Variants in TAOK3 observed in about 807,000 individuals in gnomAD.
The protein encoded by TAOK3 is TAO kinase 3.
In TAOK3, 40 loss-of-function variants were observed where a neutral mutation model predicts 120.4. That is an observed-to-expected ratio of 0.33 (90% CI 0.26 to 0.43). The LOEUF is 0.43. Among genes scored for constraint, TAOK3 ranks in the 20% least tolerant of loss-of-function variants. The pLI, the probability that TAOK3 is intolerant of heterozygous loss-of-function variation, is 1.00. For synonymous variants in TAOK3, 355 were observed against 387.5 expected (o/e 0.92, Z 0.99); for missense variants, 821 against 1,112.1 (o/e 0.74, Z 3.72).
intron 1 of TAOK3, among the ~76,000 whole-genome samples, chr12:118,313,224 G>A (rs992796841): frequency 2.0e-5 from 3 of 151,962 alleles, no homozygotes; most frequent in Non-Finnish European, 4.4e-5. Context: ...TCTATTACAA[G>A]GAAAGAGAAT....
At chr12:118,162,780 CCTTTT>C (rs1277361901) in intron 17 of TAOK3, among the ~76,000 whole-genome samples, 1 of 152,100 alleles carries the variant, frequency 6.6e-6, no homozygotes, top group Non-Finnish European at 1.5e-5. Context: ...TTTCTTTCTT[CCTTTT>C]CTTTCTTTCT....
intron 1 of TAOK3, among the ~76,000 whole-genome samples, chr12:118,277,788 C>G (rs2041955632): frequency 6.6e-6 from 1 of 151,972 alleles, no homozygotes; most frequent in Non-Finnish European, 1.5e-5. Flanking sequence ...AGATCATCAT[C>G]AAAATGAAAA....
At chr12:118,322,639 G>C (rs2043761118) in intron 1 of TAOK3, among the ~76,000 whole-genome samples, 1 of 148,316 alleles carries the variant, frequency 6.7e-6, no homozygotes, top group African/African-American at 2.5e-5. Flanking sequence ...ATTGAAATTT[G>C]AATTTCGTAT....
intron 5 of TAOK3, among the ~76,000 whole-genome samples, chr12:118,240,396 C>T (rs1253573907): frequency 1.3e-5 from 2 of 152,032 alleles, no homozygotes; most frequent in African/African-American, 2.4e-5. Flanking sequence ...TCAGGCTGGT[C>T]TCAAACTCCT....
intron 1 of TAOK3, among the ~76,000 whole-genome samples, chr12:118,348,474 G>C (rs1330712311): frequency 6.7e-6 from 1 of 148,976 alleles, no homozygotes; most frequent in Non-Finnish European, 1.5e-5. Flanking sequence ...TTTTTGAGAC[G>C]GAGTCTCGCT....
chr12:118,329,776 T>C (rs1240960702), intron 1 of TAOK3, among the ~76,000 whole-genome samples: 2 of 152,164 alleles, frequency 1.3e-5, no homozygotes, highest in Non-Finnish European at 2.9e-5. Flanking sequence ...GATTATTTCA[T>C]ATATAGATCC....
intron 3 of TAOK3, among the ~76,000 whole-genome samples, chr12:118,251,371 G>A (rs184305527): frequency 2.6e-4 from 40 of 152,260 alleles, no homozygotes; most frequent in Non-Finnish European, 4.6e-4. Flanking sequence ...AAAGCTTTTC[G>A]TAAGTTCTAT....
chr12:118,202,683 C>T (rs1428755375), intron 11 of TAOK3, among the ~76,000 whole-genome samples: 2 of 151,036 alleles, frequency 1.3e-5, no homozygotes, highest in Non-Finnish European at 2.9e-5. Context: ...ATAAAAAAAT[C>T]ACTAGAACTT....
At chr12:118,250,900 A>C (rs1367184655) in intron 3 of TAOK3, among the ~76,000 whole-genome samples, 1 of 152,176 alleles carries the variant, frequency 6.6e-6, no homozygotes, top group Non-Finnish European at 1.5e-5. Context: ...TGAAAATAGA[A>C]GGGAGAAATA....
At chr12:118,162,649 G>T (rs1356627027) in intron 17 of TAOK3, among the ~76,000 whole-genome samples, 1 of 151,932 alleles carries the variant, frequency 6.6e-6, no homozygotes. Flanking sequence ...AAATCTCAGA[G>T]TTCAAGGCAT....
chr12:118,267,195 C>T (rs1023786848), intron 1 of TAOK3, among the ~76,000 whole-genome samples: 12 of 152,240 alleles, frequency 7.9e-5, no homozygotes, highest in Middle Eastern at 3.4e-3. Context: ...CAATCTTCCA[C>T]ATTTTCAGGG....
chr12:118,170,869 C>T (rs2035958636), intron 17 of TAOK3, among the ~76,000 whole-genome samples: 1 of 152,202 alleles, frequency 6.6e-6, no homozygotes, highest in Non-Finnish European at 1.5e-5. Context: ...TAGTTTGCTT[C>T]ACCCTTTTTC....
intron 9 of TAOK3, among the ~76,000 whole-genome samples, chr12:118,218,478 G>A (rs537626020): frequency 6.6e-6 from 1 of 152,080 alleles, no homozygotes; most frequent in Non-Finnish European, 1.5e-5. Flanking sequence ...CCTTCTGTCT[G>A]TATACTTTAA....
At chr12:118,209,472 G>A (rs949854453) in intron 11 of TAOK3, among the ~76,000 whole-genome samples, 3 of 152,012 alleles carry the variant, frequency 2.0e-5, no homozygotes, top group African/African-American at 7.3e-5. Flanking sequence ...GCACAATCTC[G>A]GCTCACTGCA....
chr12:118,247,020 G>T lies in TAOK3; in HGVS notation c.121-2055C>A, dbSNP rs886127433. On this transcript the variant is annotated intron_variant, in intron 3 of 20. Transcript: ENST00000392533. ...TAAGCGTGAAAAAAAAATTATAAAA[G>T]AATTTATACCAGAATATATATCAGT... 10 of 817,888 alleles carry T rather than the reference G, an allele frequency of 1.2e-5. No homozygotes were observed. The African/African-American group carries it at 1.4e-4, about 11-fold the overall frequency. The allele number at this position is 817,888 out of a possible 1,614,324, so 50.7% of individuals were successfully genotyped here.
chr12:118,339,653 C>T (rs1438517944), intron 1 of TAOK3, among the ~76,000 whole-genome samples: 1 of 151,836 alleles, frequency 6.6e-6, no homozygotes, highest in African/African-American at 2.4e-5. Context: ...GCAACCTCCA[C>T]CTCCCGGGTT....
chr12:118,195,470 C>T (rs570879948), intron 13 of TAOK3, among the ~76,000 whole-genome samples: 6 of 152,212 alleles, frequency 3.9e-5, no homozygotes, highest in South Asian at 4.1e-4. Context: ...AAATTTGTAC[C>T]GGAGTCACTT....
intron 3 of TAOK3, among the ~76,000 whole-genome samples, chr12:118,253,665 A>G (rs2040852411): frequency 6.6e-6 from 1 of 151,050 alleles, no homozygotes; most frequent in African/African-American, 2.4e-5. Context: ...TGAACCCGGG[A>G]GGTGGAGGTT....
rs551046846 is a variant in TAOK3, at chr12:118,363,556, CAG to C, written c.-194+9090_-194+9091del. ...AATCAAGTACTTAGGGAATTCAAAGCAGAGAGTAGCAAGGAGGATAATCAGAG... is the reference window on the plus strand; with the variant it reads ...AATCAAGTACTTAGGGAATTCAAAGCAGAGTAGCAAGGAGGATAATCAGAG... On this transcript the variant is annotated intron_variant, in intron 1 of 20. Transcript: ENST00000392533. Among the ~76,000 whole-genome samples the C allele has an allele frequency of 1.4e-3, 210 of 152,056 alleles. 1 individual carries two copies. The highest frequency in any genetic ancestry group is 3.5e-3 in the South Asian group (17 of 4,808).
Sources: allele counts gnomAD v4.1 joint callset (sites outside exome capture counted in the v4.1 genomes callset), GRCh38; gene constraint gnomAD v4.1.1; transcripts MANE v1.5; gene names NCBI Gene and HGNC (gene_info 2026-07-23, HGNC 2026-07-21).